The following EYS variants were observed in gnomAD, a reference collection of about 807,000 sequenced individuals.
EYS encodes protein eyes shut homolog.
Under a neutral mutation model 282.1 loss-of-function variants are expected in EYS, and 250 were observed. That is an observed-to-expected ratio of 0.89 (90% CI 0.80 to 0.98). EYS has a LOEUF of 0.98. EYS is among the 50% of genes least tolerant of loss of function. EYS has a pLI of 0.00. For missense variants in EYS, 4,016 were observed against 3,709.0 expected, an observed-to-expected ratio of 1.08 and a Z score of -2.15; for synonymous variants, 1,355 against 1,282.9, an observed-to-expected ratio of 1.06 and a Z score of -1.20.
intron 5 of EYS, among the ~76,000 whole-genome samples, chr6:65,462,561 G>C (rs897876297): frequency 6.6e-6 from 1 of 151,858 alleles, no homozygotes; most frequent in East Asian, 1.9e-4. Flanking sequence ...TATTTGTAGT[G>C]TATTATTTAC....
chr6:64,678,823 A>G (rs9445134), intron 22 of EYS, among the ~76,000 whole-genome samples: 30,112 of 151,762 alleles, frequency 0.2, 3,458 homozygotes, highest in East Asian at 0.35. Context: ...CGTCTCCACT[A>G]AAGACACAAA....
intron 5 of EYS, among the ~76,000 whole-genome samples, chr6:65,417,742 A>C (rs1441592383): frequency 6.6e-6 from 1 of 152,082 alleles, no homozygotes; most frequent in Non-Finnish European, 1.5e-5. Context: ...TTTATAAAGT[A>C]GATATTGTCG....
chr6:65,358,844 A>G (rs1246800500), intron 8 of EYS, among the ~76,000 whole-genome samples: 3 of 152,088 alleles, frequency 2.0e-5, no homozygotes, highest in African/African-American at 7.2e-5. Context: ...AGTTGCTAAT[A>G]ACAATATACA....
chr6:64,832,729 T>G (rs1253763177), intron 19 of EYS, among the ~76,000 whole-genome samples: 1 of 151,902 alleles, frequency 6.6e-6, no homozygotes, highest in Non-Finnish European at 1.5e-5. Context: ...TCAAAATTAG[T>G]CAAGATGCAC....
At chr6:65,223,376 C>G (rs191736311) in intron 12 of EYS, among the ~76,000 whole-genome samples, 49 of 152,062 alleles carry the variant, frequency 3.2e-4, no homozygotes, top group Non-Finnish European at 5.7e-4. Context: ...CCAATAACAA[C>G]AACAAGAACA....
At chr6:65,680,390 A>G (rs1582595888) in intron 1 of EYS, among the ~76,000 whole-genome samples, 1 of 152,074 alleles carries the variant, frequency 6.6e-6, no homozygotes, top group East Asian at 1.9e-4. Context: ...ATAGCAAAAA[A>G]ATTTAATTTT....
intron 13 of EYS, among the ~76,000 whole-genome samples, chr6:65,034,004 C>T (rs1772688791): frequency 6.6e-6 from 1 of 152,122 alleles, no homozygotes; most frequent in Non-Finnish European, 1.5e-5. Context: ...GTTTGGGTTC[C>T]CTGCCCTAGA....
intron 12 of EYS, among the ~76,000 whole-genome samples, chr6:65,107,439 T>C (rs1239179009): frequency 6.6e-6 from 1 of 151,846 alleles, no homozygotes; most frequent in African/African-American, 2.4e-5. Flanking sequence ...TAAAAGAAAC[T>C]TGTATTATCT....
intron 2 of EYS, among the ~76,000 whole-genome samples, chr6:65,578,798 C>T (rs531346236): frequency 1.3e-5 from 2 of 151,890 alleles, no homozygotes; most frequent in Non-Finnish European, 2.9e-5. Flanking sequence ...TTTAATCTTG[C>T]AACAAAATAA....
intron 41 of EYS, among the ~76,000 whole-genome samples, chr6:63,742,241 A>C (rs1769094108): frequency 6.6e-6 from 1 of 151,848 alleles, no homozygotes; most frequent in African/African-American, 2.4e-5. Context: ...GTTTTTTTTT[A>C]AGGTGACTCA....
At chr6:64,237,315 C>T (rs556904633) in intron 30 of EYS, among the ~76,000 whole-genome samples, 6 of 152,222 alleles carry the variant, frequency 3.9e-5, no homozygotes, top group South Asian at 2.1e-4. Flanking sequence ...GAGTAAAACC[C>T]CTTTTGCAGG....
chr6:64,668,522 C>T (rs1305658089), intron 22 of EYS, among the ~76,000 whole-genome samples: 2 of 147,820 alleles, frequency 1.4e-5, no homozygotes, highest in African/African-American at 5.0e-5. Flanking sequence ...CTCACCCAGC[C>T]TTCCAGCTAG....
At chr6:64,571,148 A>G (rs1184236217) in intron 26 of EYS, among the ~76,000 whole-genome samples, 1 of 152,194 alleles carries the variant, frequency 6.6e-6, no homozygotes, top group Non-Finnish European at 1.5e-5. Context: ...ACACAACTAC[A>G]TGGAAACTGA....
intron 26 of EYS, 67 bp from the exon 27 acceptor site, chr6:64,439,419 T>C: frequency 2.8e-6 from 3 of 1,057,278 alleles, no homozygotes; most frequent in Non-Finnish European, 4.0e-6. Flanking sequence ...TTTCACATTA[T>C]TAACATAGCA....
rs1562272789 is a variant in EYS, at chr6:64,950,832, T to TAA, written c.2260-4919_2260-4918insTT. Reference sequence around the variant, plus strand: ...ATATATATATATATATATATATATATATTGTTGAATTGTTACAAGAACAAC... The same window carrying TAA: ...ATATATATATATATATATATATATATAAATTGTTGAATTGTTACAAGAACAAC... On this transcript the variant is annotated intron_variant, in intron 14 of 42. Transcript: ENST00000503581. 2.2e-3 allele frequency among the ~76,000 whole-genome samples: 227 copies of TAA among 103,048 alleles called. 2 individuals carry two copies. Among genetic ancestry groups the TAA allele is most frequent in the East Asian group, 4.8e-3 (16 of 3,336 alleles). The allele number at this position is 103,048 out of a possible 152,430, so 67.6% of individuals were successfully genotyped here.
At chr6:64,833,133 T>C (rs914958772) in intron 19 of EYS, among the ~76,000 whole-genome samples, 1 of 152,060 alleles carries the variant, frequency 6.6e-6, no homozygotes. Flanking sequence ...CCTTATTTCT[T>C]GTACTTCAAT....
intron 4 of EYS, among the ~76,000 whole-genome samples, chr6:65,494,194 T>C (rs2127270113): frequency 6.6e-6 from 1 of 152,198 alleles, no homozygotes; most frequent in East Asian, 1.9e-4. Context: ...ATAGGATTTG[T>C]ATATGTCCAG....
chr6:64,488,809 A>G (rs1459588856), intron 26 of EYS, among the ~76,000 whole-genome samples: 1 of 151,018 alleles, frequency 6.6e-6, no homozygotes, highest in Non-Finnish European at 1.5e-5. Flanking sequence ...CTTTGGAAAT[A>G]TGCTTCTAAT....
intron 12 of EYS, among the ~76,000 whole-genome samples, chr6:65,160,259 T>C (rs910248676): frequency 4.6e-4 from 69 of 151,076 alleles, no homozygotes; most frequent in Admixed American, 2.4e-3. Context: ...ACTTTTCCTT[T>C]CTTTATCTCA....
Sources: allele counts gnomAD v4.1 joint callset (sites outside exome capture counted in the v4.1 genomes callset), GRCh38; gene constraint gnomAD v4.1.1; transcripts MANE v1.5; gene names NCBI Gene and HGNC (gene_info 2026-07-23, HGNC 2026-07-21).